Variants in ATP6V0D2 observed in about 807,000 individuals in gnomAD.
ATP6V0D2 encodes the protein ATPase H+ transporting V0 subunit d2, also known as V-type proton ATPase subunit d 2.
A neutral mutation model predicts 40.0 loss-of-function variants in ATP6V0D2; 40 were observed. The observed-to-expected ratio is 1.00, with a 90% CI of 0.78 to 1.30. ATP6V0D2 has a LOEUF of 1.30. Ranked by LOEUF, ATP6V0D2 falls within the 50% of genes most tolerant of loss-of-function variation. The probability of loss-of-function intolerance (pLI) is 0.00; values close to 1 mark genes in which losing one functional copy is unlikely to be tolerated. For synonymous variants in ATP6V0D2, 179 were observed against 156.3 expected (o/e 1.15, Z -1.08); for missense variants, 470 against 423.1 (o/e 1.11, Z -0.97).
chr8:86,104,850 T>TACACACACAC (rs146266622), intron 1 of ATP6V0D2, among the ~76,000 whole-genome samples: 9,403 of 145,996 alleles, frequency 0.064, 347 homozygotes, highest in Non-Finnish European at 0.072. Context: ...TTAAAACACA[T>TACACACACAC]ACACACACAC....
chr8:86,145,302 A>G lies in ATP6V0D2; in HGVS notation c.639+2348A>G, dbSNP rs542471019. 5.7e-3 allele frequency among the ~76,000 whole-genome samples: 602 copies of G among 105,086 alleles called. 15 individuals carry two copies. Among genetic ancestry groups the G allele is most frequent in the African/African-American group, 0.02 (552 of 28,246 alleles). 68.9% of individuals were successfully genotyped at this position (105,086 alleles called of 152,430 possible). A position where few individuals can be genotyped will look rare whatever the true frequency, so the allele number is the denominator to read the frequency against. The stretch of plus-strand genomic sequence containing the variant: ...GAAAGAAAGAAAGAAAGAAAGAAAG[A>G]AAGAAAGAAAAGAAAGAAGGAAAGA... On this transcript the variant is annotated intron_variant, in intron 5 of 7. Coordinates refer to ENST00000285393, the MANE Select transcript of ATP6V0D2 (RefSeq NM_152565.1).
At chr8:86,145,374 GAAAGAAAAGA>G (rs142197228) in intron 5 of ATP6V0D2, among the ~76,000 whole-genome samples, 54 of 79,246 alleles carry the variant, frequency 6.8e-4, no homozygotes, top group Middle Eastern at 7.2e-3. Context: ...AGGAAGGAAG[GAAAGAAAAGA>G]AAAGAAAAGA....
chr8:86,115,357 C>CTTTTT (rs1586088786), intron 2 of ATP6V0D2, among the ~76,000 whole-genome samples: 22 of 79,480 alleles, frequency 2.8e-4, no homozygotes, highest in South Asian at 8.5e-4. Flanking sequence ...CCGTATCATC[C>CTTTTT]ATTTTTTTTT....
chr8:86,139,731 ATGTACTT>A (rs1409567861), intron 3 of ATP6V0D2, 96 bp downstream of exon 3: 13 of 1,365,888 alleles, frequency 9.5e-6, no homozygotes, highest in Non-Finnish European at 1.3e-5. Flanking sequence ...CCAAAAGAAA[ATGTACTT>A]TGATTTCACA....
chr8:86,144,618 A>G (rs1819021585), intron 5 of ATP6V0D2, among the ~76,000 whole-genome samples: 2 of 152,130 alleles, frequency 1.3e-5, no homozygotes, highest in South Asian at 2.1e-4. Context: ...GAAACAAAAA[A>G]GTTTTATAGT....
chr8:86,136,969 T>G (rs1394394045), intron 2 of ATP6V0D2, among the ~76,000 whole-genome samples: 2 of 152,124 alleles, frequency 1.3e-5, no homozygotes, highest in Non-Finnish European at 2.9e-5. Flanking sequence ...CCTCAGCACT[T>G]AAATATCTTT....
intron 2 of ATP6V0D2, among the ~76,000 whole-genome samples, chr8:86,127,425 G>T (rs143445526): frequency 6.6e-6 from 1 of 151,520 alleles, no homozygotes; most frequent in Non-Finnish European, 1.5e-5. Context: ...CACACACACC[G>T]ATCCTTTCCA....
Position 86,139,536 on chromosome 8 carries a change from A to T in ATP6V0D2, c.382A>T (p.Lys128Ter), listed in dbSNP as rs1307930082. 2 of 1,613,824 alleles carry T rather than the reference A, an allele frequency of 1.2e-6. No individual in the cohort carries two copies. Among genetic ancestry groups the T allele is most frequent in the Non-Finnish European group, 1.7e-6 (2 of 1,179,876 alleles). The change falls in exon 3 of 8, where the codon AAG becomes TAG. Residue 128 changes from lysine (K) to a stop codon, truncating the protein, a stop_gained. Transcript: ENST00000285393. LOFTEE classifies it high-confidence loss of function. ...QKKSVKEILG[K>*]CHPLGRFTEM... is the part of the protein sequence containing the mutation. Reference sequence around the variant, plus strand: ...AAAATCTGTGAAAGAAATTCTGGGGAAGTGCCACCCCTTGGGCCGTTTCAC... The same window carrying T: ...AAAATCTGTGAAAGAAATTCTGGGGTAGTGCCACCCCTTGGGCCGTTTCAC...
At chr8:86,141,315 A>T (rs1445243831) in intron 3 of ATP6V0D2, 135 bp from the exon 4 acceptor site, 1 of 576,096 alleles carries the variant, frequency 1.7e-6, no homozygotes, top group Non-Finnish European at 3.1e-6. Flanking sequence ...AGCCCTATTT[A>T]GTGGAGTGTA....
intron 1 of ATP6V0D2, among the ~76,000 whole-genome samples, chr8:86,105,390 C>T (rs1250555273): frequency 6.6e-6 from 1 of 151,952 alleles, no homozygotes. Flanking sequence ...TCTACCTCTC[C>T]CGGACTTAAG....
intron 2 of ATP6V0D2, among the ~76,000 whole-genome samples, chr8:86,132,639 T>C (rs1818842727): frequency 6.6e-6 from 1 of 152,178 alleles, no homozygotes; most frequent in Non-Finnish European, 1.5e-5. Flanking sequence ...ATTCCATCCA[T>C]GTTGCTGCAA....
At chr8:86,118,495 C>A (rs766598770) in intron 2 of ATP6V0D2, among the ~76,000 whole-genome samples, 12 of 152,000 alleles carry the variant, frequency 7.9e-5, no homozygotes, top group Non-Finnish European at 1.6e-4. Context: ...AAAGAAGATG[C>A]CAGGATTACT....
rs74465268 is a variant in ATP6V0D2 at position 86,124,365 on chromosome 8, C to T, written c.302+10485C>T. Among the ~76,000 whole-genome samples the T allele has an allele frequency of 1.9e-3, 294 of 152,234 alleles. 2 individuals carry two copies. In the East Asian group the frequency reaches 0.034, roughly 17 times the overall value. ...TGACTACTATGAGTAAAGGCTTATG[C>T]GAGACTCCAAGATTAGAAACGAATT... On this transcript the variant is annotated intron_variant, in intron 2 of 7. Coordinates refer to ENST00000285393, the MANE Select transcript of ATP6V0D2 (RefSeq NM_152565.1).
intron 2 of ATP6V0D2, among the ~76,000 whole-genome samples, chr8:86,134,810 G>C (rs986869665): frequency 6.6e-6 from 1 of 152,076 alleles, no homozygotes; most frequent in Non-Finnish European, 1.5e-5. Flanking sequence ...AATACACTGT[G>C]GTATATCAAT....
intron 1 of ATP6V0D2, among the ~76,000 whole-genome samples, chr8:86,110,384 C>T (rs1470512321): frequency 2.0e-5 from 3 of 152,196 alleles, no homozygotes; most frequent in Admixed American, 6.5e-5. Context: ...CGTGGGCCAC[C>T]ACGCCCAGCC....
At chr8:86,118,081 C>CTTTTTTTTTTT (rs1554587902) in intron 2 of ATP6V0D2, among the ~76,000 whole-genome samples, 7 of 52,152 alleles carry the variant, frequency 1.3e-4, no homozygotes, top group Non-Finnish European at 2.1e-4. Flanking sequence ...TTCTTTCTTT[C>CTTTTTTTTTTT]TTTCTTTTTT....
rs188338297 is a variant in ATP6V0D2, at chr8:86,146,131, G to T, written c.639+3177G>T. Among the ~76,000 whole-genome samples the T allele has an allele frequency of 2.6e-4, 40 of 152,246 alleles. 3 individuals carry two copies. In the East Asian group the frequency reaches 7.7e-3, roughly 29 times the overall value. ...CCATTCACAATTCTTTTATATAAAC[G>T]TGAGTGCTAATTCATAAGCAAGATC... On this transcript the variant is annotated intron_variant, in intron 5 of 7. Coordinates refer to ENST00000285393, the MANE Select transcript of ATP6V0D2 (RefSeq NM_152565.1).
At chr8:86,145,237 G>A (rs10095807) in intron 5 of ATP6V0D2, among the ~76,000 whole-genome samples, 1,060 of 41,528 alleles carry the variant, frequency 0.026, 1 homozygote, top group Admixed American at 0.032. Flanking sequence ...GAAAGAAAGA[G>A]AGAGAGAGAG....
chr8:86,115,702 A>C (rs1818583608), intron 2 of ATP6V0D2, among the ~76,000 whole-genome samples: 1 of 152,052 alleles, frequency 6.6e-6, no homozygotes, highest in Admixed American at 6.6e-5. Flanking sequence ...TACAAATGAC[A>C]GTATCTCTGC....
Sources: allele counts gnomAD v4.1 joint callset (sites outside exome capture counted in the v4.1 genomes callset), GRCh38; gene constraint gnomAD v4.1.1; transcripts MANE v1.5; gene names NCBI Gene and HGNC (gene_info 2026-07-23, HGNC 2026-07-21).